Variants in PRKN observed in about 807,000 individuals in gnomAD.
The protein encoded by PRKN is E3 ubiquitin-protein ligase parkin.
In PRKN, 56 loss-of-function variants were observed where a neutral mutation model predicts 59.5. The observed-to-expected ratio is 0.94, with a 90% CI of 0.76 to 1.18. The LOEUF (loss-of-function observed/expected upper bound fraction) is 1.18, where lower values mean the gene tolerates loss of function less well. Among genes scored for constraint, PRKN ranks in the 50% most tolerant of loss-of-function variants. PRKN has a pLI of 0.00. For synonymous variants in PRKN, 250 were observed against 222.1 expected, an observed-to-expected ratio of 1.13 and a Z score of -1.12; for missense variants, 657 against 596.4, an observed-to-expected ratio of 1.10 and a Z score of -1.06.
At chr6:162,616,780 T>G (rs1419852595) in intron 1 of PRKN, among the ~76,000 whole-genome samples, 1 of 152,222 alleles carries the variant, frequency 6.6e-6, no homozygotes. Flanking sequence ...TAACAGTACT[T>G]TTCCTTTGCT....
chr6:161,627,571 T>C (rs756317755), intron 7 of PRKN, among the ~76,000 whole-genome samples: 1 of 152,234 alleles, frequency 6.6e-6, no homozygotes, highest in South Asian at 2.1e-4. Context: ...AGGTCTTTAT[T>C]TGTGGCGGAG....
At chr6:162,694,112 T>C (rs1377788779) in intron 1 of PRKN, among the ~76,000 whole-genome samples, 1 of 151,150 alleles carries the variant, frequency 6.6e-6, no homozygotes, top group African/African-American at 2.4e-5. Flanking sequence ...CCAGGCATGG[T>C]GGCGGGCACC....
chr6:162,727,698 A>G lies in PRKN; in HGVS notation c.-30T>C, dbSNP rs200065081. 1.1e-3 allele frequency: 1,691 copies of G among 1,566,206 alleles called. 22 individuals are homozygous for G. In the African/African-American group the frequency reaches 0.021, roughly 19 times the overall value. ...ACTGGGTAGGTGGCGGCTGCGGGCC[A>G]GGAACAGGCCCATGCGCGCAGCGGC... is the stretch of plus-strand genomic sequence containing the variant. On this transcript the variant is annotated 5_prime_UTR_variant, in exon 1 of 12. Coordinates refer to ENST00000366898, the MANE Select transcript of PRKN (RefSeq NM_004562.3).
chr6:161,491,338 G>A (rs1777547629), intron 9 of PRKN, among the ~76,000 whole-genome samples: 1 of 152,176 alleles, frequency 6.6e-6, no homozygotes, highest in East Asian at 1.9e-4. Flanking sequence ...ACCACACAGG[G>A]AGCGTGAGAG....
intron 4 of PRKN, among the ~76,000 whole-genome samples, chr6:162,133,751 A>G (rs1781463423): frequency 6.6e-6 from 1 of 152,166 alleles, no homozygotes; most frequent in Admixed American, 6.5e-5. Flanking sequence ...GAAGTGGCCC[A>G]TGTGGCCGGT....
In PRKN at chr6:161,965,795, T is replaced by G. The variant is rs79335373; in HGVS notation, c.734+7507A>C. 7.4e-3 allele frequency among the ~76,000 whole-genome samples: 1,125 copies of G among 152,180 alleles called. 28 individuals are homozygous for G. The highest frequency in any genetic ancestry group is 0.026 in the African/African-American group (1,070 of 41,426). On this transcript the variant is annotated intron_variant, in intron 6 of 11. Transcript: ENST00000366898. The stretch of plus-strand genomic sequence containing the variant: ...CCTGGTTGACATTTGGTTGAGTTTG[T>G]CTAAAGACCTGGGAGGGATAGAAAG...
At chr6:162,579,743 CAT>C (rs1583844021) in intron 1 of PRKN, among the ~76,000 whole-genome samples, 1 of 151,936 alleles carries the variant, frequency 6.6e-6, no homozygotes, top group East Asian at 2.0e-4. Context: ...GAAACACACA[CAT>C]TCACACACAT....
intron 1 of PRKN, among the ~76,000 whole-genome samples, chr6:162,530,804 C>T (rs946337632): frequency 6.6e-6 from 1 of 152,148 alleles, no homozygotes; most frequent in Non-Finnish European, 1.5e-5. Flanking sequence ...CGCCCATAAT[C>T]CTGGTACTTT....
chr6:162,494,928 A>G (rs1792988893), intron 1 of PRKN, among the ~76,000 whole-genome samples: 1 of 152,236 alleles, frequency 6.6e-6, no homozygotes, highest in African/African-American at 2.4e-5. Flanking sequence ...GTAGCTAACA[A>G]GTACTTAACC....
At chr6:161,989,158 C>G (rs1304387547) in intron 5 of PRKN, among the ~76,000 whole-genome samples, 1 of 152,222 alleles carries the variant, frequency 6.6e-6, no homozygotes, top group Non-Finnish European at 1.5e-5. Context: ...ACACACATCT[C>G]TTTTAAGCTT....
chr6:161,635,294 A>G (rs565325811), intron 7 of PRKN, among the ~76,000 whole-genome samples: 148 of 152,370 alleles, frequency 9.7e-4, no homozygotes, highest in African/African-American at 3.0e-3. Context: ...TTTGGAATAT[A>G]GTAGAATCGC....
chr6:161,973,478 T>C, intron 5 of PRKN, 61 bp from the exon 6 acceptor site: 1 of 890,662 alleles, frequency 1.1e-6, no homozygotes, highest in African/African-American at 1.6e-5. Flanking sequence ...TTCCTCTAAA[T>C]GTTTCCACAG....
At chr6:162,094,015 C>G (rs974129944) in intron 4 of PRKN, among the ~76,000 whole-genome samples, 1 of 152,062 alleles carries the variant, frequency 6.6e-6, no homozygotes, top group Non-Finnish European at 1.5e-5. Context: ...CAAAACGGGA[C>G]AAAGAAAACC....
chr6:162,342,236 T>G (rs1449838782), intron 2 of PRKN, among the ~76,000 whole-genome samples: 1 of 152,182 alleles, frequency 6.6e-6, no homozygotes, highest in Non-Finnish European at 1.5e-5. Flanking sequence ...GTCATATATT[T>G]AAGCACATCT....
chr6:161,664,793 C>CTTT (rs60215581), intron 7 of PRKN, among the ~76,000 whole-genome samples: 160 of 145,354 alleles, frequency 1.1e-3, no homozygotes, highest in South Asian at 4.7e-3. Context: ...CTGACTTTTT[C>CTTT]TTTTTTTTTT....
At chr6:162,714,942 A>G (rs2128239370) in intron 1 of PRKN, among the ~76,000 whole-genome samples, 1 of 152,294 alleles carries the variant, frequency 6.6e-6, no homozygotes, top group East Asian at 1.9e-4. Context: ...GTAAGAAGAA[A>G]CAACAGTAAA....
chr6:161,429,862 C>T lies in PRKN; in HGVS notation c.1084-42985G>A, dbSNP rs576258663. Among the ~76,000 whole-genome samples the T allele has an allele frequency of 2.0e-5, 3 of 152,250 alleles. 1 individual carries two copies. The South Asian group carries it at 6.2e-4, about 32-fold the overall frequency. ...ATTCTTGTCAGGAACTGTGAAGGAT[C>T]CAAGATTTTGCTTTCTTTGCAAGCT... is the stretch of plus-strand genomic sequence containing the variant. On this transcript the variant is annotated intron_variant, in intron 9 of 11. Coordinates refer to ENST00000366898, the MANE Select transcript of PRKN (RefSeq NM_004562.3). This position sits in a 1 kb window ranked among gnomAD's most constrained non-coding sequence, Gnocchi z 4.2.
At chr6:161,431,392 TGGTTCCTTTTA>T (rs1788640627) in intron 9 of PRKN, among the ~76,000 whole-genome samples, 1 of 152,030 alleles carries the variant, frequency 6.6e-6, no homozygotes, top group Non-Finnish European at 1.5e-5. Flanking sequence ...ACATTTTATG[TGGTTCCTTTTA>T]GATGTGGTAC....
intron 9 of PRKN, among the ~76,000 whole-genome samples, chr6:161,516,467 T>TAA (rs376373455): frequency 4.3e-5 from 1 of 23,142 alleles, no homozygotes; most frequent in African/African-American, 1.7e-4. Context: ...AGGCTCCTTC[T>TAA]AAAAAAAAAA....
Sources: gnomAD v4.1 joint callset for allele counts (sites outside exome capture counted in the v4.1 genomes callset) on GRCh38, gnomAD v4.1.1 for gene constraint, Gnocchi (gnomAD v3.1) non-coding constraint, MANE v1.5 for transcripts, NCBI Gene and HGNC (gene_info 2026-07-23, HGNC 2026-07-21) for gene names.